The following CCL20 variants were observed in gnomAD, a reference collection of about 807,000 sequenced individuals.
The protein encoded by CCL20 is C-C motif chemokine ligand 20, also known as C-C motif chemokine 20.
A neutral mutation model predicts 10.8 loss-of-function variants in CCL20; 8 were observed. That is an observed-to-expected ratio of 0.74 (90% CI 0.44 to 1.34). The LOEUF is 1.34. CCL20 is among the 40% of genes most tolerant of loss of function. CCL20 has a pLI of 0.01. For missense variants in CCL20, 107 were observed against 117.9 expected (o/e 0.91, Z 0.43); for synonymous variants, 40 against 39.4 (o/e 1.02, Z -0.06).
rs771446659 is a variant in CCL20, at chr2:227,813,920, T to C, written c.9T>C (p.Cys3=). The change falls in exon 1 of 4, where the codon TGT becomes TGC. Residue 3 remains cysteine (C), a synonymous_variant. Coordinates refer to ENST00000358813, the MANE Select transcript of CCL20 (RefSeq NM_004591.3). ...TCTTTGAGCTAAAAACCATGTGCTGTACCAAGAGTTTGCTCCTGGCTGCTT... is the reference window on the plus strand; with the variant it reads ...TCTTTGAGCTAAAAACCATGTGCTGCACCAAGAGTTTGCTCCTGGCTGCTT... MC[C]TKSLLLAALM... 3.3e-5 allele frequency: 53 copies of C among 1,613,896 alleles called. No homozygotes were observed. The South Asian group carries it at 5.7e-4, about 17-fold the overall frequency.
Position 227,815,556 on chromosome 2 carries a change from T to G in CCL20, c.179T>G (p.Ile60Ser). The G allele has an allele frequency of 6.4e-7, 1 of 1,559,476 alleles. No individual in the cohort carries two copies. Among genetic ancestry groups the G allele is most frequent in the African/African-American group, 1.4e-5 (1 of 73,800 alleles). Reference sequence around the variant, plus strand: ...CAGCTGGCCAATGAAGGCTGTGACATCAATGCTATCATGTAAGTTATTAAT... The same window carrying G: ...CAGCTGGCCAATGAAGGCTGTGACAGCAATGCTATCATGTAAGTTATTAAT... Reference protein sequence around the residue: ...TRQLANEGCDINAIIFHTKKK... With the variant: ...TRQLANEGCDSNAIIFHTKKK... Residue 60 changes from isoleucine (I) to serine (S), a missense_variant, in exon 2 of 4, where the codon ATC becomes AGC. Ile to Ser is a moderately radical substitution (Grantham distance 142). Transcript: ENST00000358813.
chr2:227,816,846 A>T (rs891188750), intron 3 of CCL20, among the ~76,000 whole-genome samples: 8 of 152,224 alleles, frequency 5.3e-5, no homozygotes, highest in African/African-American at 1.9e-4. Context: ...GAGACACAAG[A>T]TAAGTGTCCA....
At position 227,815,755 on chromosome 2, in the gene CCL20, TCA is replaced by T. The variant is rs1200826291; in HGVS notation, c.191+189_191+190del. 32 of 511,166 alleles carry T rather than the reference TCA, an allele frequency of 6.3e-5. No homozygotes were observed. In the East Asian group the frequency reaches 1.0e-3, roughly 16 times the overall value. 31.7% of individuals were successfully genotyped at this position (511,166 alleles called of 1,614,324 possible). A position where few individuals can be genotyped will look rare whatever the true frequency, so the allele number is the denominator to read the frequency against. On this transcript the variant is annotated intron_variant, in intron 2 of 3. Coordinates refer to ENST00000358813, the MANE Select transcript of CCL20 (RefSeq NM_004591.3). ...TCTTAGTACATATCTACTTTAAAGT[TCA>T]CTTTAAACAGGACTGGAATAAGGCA... is the stretch of plus-strand genomic sequence containing the variant.
At position 227,813,897 on chromosome 2, in the gene CCL20, T is replaced by G; in HGVS notation, c.-15T>G. The G allele has an allele frequency of 1.9e-6, 3 of 1,610,700 alleles. No homozygotes were observed. Among genetic ancestry groups the G allele is most frequent in the Non-Finnish European group, 2.5e-6 (3 of 1,176,832 alleles). On this transcript the variant is annotated 5_prime_UTR_variant, in exon 1 of 4. Transcript: ENST00000358813. ...TACTCAACACTGAGCAGATCTGTTC[T>G]TTGAGCTAAAAACCATGTGCTGTAC...
intron 2 of CCL20, chr2:227,815,980 A>G: frequency 3.8e-6 from 1 of 266,302 alleles, no homozygotes; most frequent in East Asian, 8.1e-5. Flanking sequence ...TTCTTGATTT[A>G]TATAGGATAT....
chr2:227,817,189 CTAATT>C lies in CCL20; in HGVS notation c.*108_*112del, dbSNP rs1690035744. ...ACATCATGGAGGGTTTAGTGCTTAT[CTAATT>C]TGTGCCTCACTGGACTTGTCCAATT... On this transcript the variant is annotated 3_prime_UTR_variant, in exon 4 of 4. Coordinates refer to ENST00000358813, the MANE Select transcript of CCL20 (RefSeq NM_004591.3). The C allele has an allele frequency of 1.3e-6, 1 of 787,574 alleles. No individual in the cohort carries two copies. Among genetic ancestry groups the C allele is most frequent in the South Asian group, 1.8e-5 (1 of 56,174 alleles). 48.8% of individuals were successfully genotyped at this position (787,574 alleles called of 1,614,324 possible).
At chr2:227,815,330 G>T in intron 1 of CCL20, 124 bp from the exon 2 acceptor site, 1 of 575,544 alleles carries the variant, frequency 1.7e-6, no homozygotes, top group Non-Finnish European at 3.1e-6. Flanking sequence ...TCCTCTAAGT[G>T]GTTTATTCGT....
At chr2:227,814,799 C>T (rs1161770309) in intron 1 of CCL20, among the ~76,000 whole-genome samples, 1 of 151,708 alleles carries the variant, frequency 6.6e-6, no homozygotes, top group Non-Finnish European at 1.5e-5. Context: ...CTGTGTTGCC[C>T]AGGCTGGTCT....
In CCL20 at chr2:227,817,411, T is replaced by C. The variant is rs1336714290; in HGVS notation, c.*328T>C. On this transcript the variant is annotated 3_prime_UTR_variant, in exon 4 of 4. Transcript: ENST00000358813. ...GGGGGGAATAAGATTATATGGACTT[T>C]CTTGCAAGCAACAAGCTATTTTTTA... 4.3e-5 allele frequency: 8 copies of C among 185,322 alleles called. No individual in the cohort carries two copies. The allele number at this position is 185,322 out of a possible 1,614,324, so 11.5% of individuals were successfully genotyped here. A position where few individuals can be genotyped will look rare whatever the true frequency, so the allele number is the denominator to read the frequency against.
Position 227,817,190 on chromosome 2 carries a change from T to A in CCL20, c.*107T>A. 1 of 788,214 alleles carries A rather than the reference T, an allele frequency of 1.3e-6. No homozygotes were observed. 48.8% of individuals were successfully genotyped at this position (788,214 alleles called of 1,614,324 possible). On this transcript the variant is annotated 3_prime_UTR_variant, in exon 4 of 4. Transcript: ENST00000358813. Reference sequence around the variant, plus strand: ...CATCATGGAGGGTTTAGTGCTTATCTAATTTGTGCCTCACTGGACTTGTCC... The same window carrying A: ...CATCATGGAGGGTTTAGTGCTTATCAAATTTGTGCCTCACTGGACTTGTCC...
At chr2:227,814,496 T>C (rs1351398688) in intron 1 of CCL20, among the ~76,000 whole-genome samples, 3 of 147,642 alleles carry the variant, frequency 2.0e-5, no homozygotes, top group Non-Finnish European at 4.4e-5. Flanking sequence ...TGTTGTAATC[T>C]GACTCGGGAA....
At chr2:227,816,221 C>T in intron 2 of CCL20, 86 bp from the exon 3 acceptor site, 1 of 724,700 alleles carries the variant, frequency 1.4e-6, no homozygotes, top group Non-Finnish European at 2.4e-6. Context: ...GTGTAATCAA[C>T]TGGAATATAA....
At chr2:227,815,052 G>A (rs1690004342) in intron 1 of CCL20, among the ~76,000 whole-genome samples, 2 of 152,062 alleles carry the variant, frequency 1.3e-5, no homozygotes, top group African/African-American at 4.8e-5. Context: ...TTCATTTTCT[G>A]CTTTTGGAAG....
At chr2:227,816,274 A>G (rs2106160734) in intron 2 of CCL20, 33 bp from the exon 3 acceptor site, 1 of 1,370,822 alleles carries the variant, frequency 7.3e-7, no homozygotes, top group Non-Finnish European at 1.0e-6. Flanking sequence ...TGAAAAGCTC[A>G]TTAAACACAA....
At position 227,815,454 on chromosome 2, in the gene CCL20, C is replaced by A. The variant is rs1204599938; in HGVS notation, c.77C>A (p.Ala26Glu). The change falls in exon 2 of 4, where the codon GCA becomes GAA. Residue 26 changes from alanine (A) to glutamate (E), a missense_variant and splice_region_variant. Ala to Glu is a moderately radical substitution (Grantham distance 107). Transcript: ENST00000358813. ...LLLHLCGESE[A>E]ASNFDCCLGY... Reference sequence around the variant, plus strand: ...ACCTTTCACTTTTTTTTTTTTTTAGCAGCAAGCAACTTTGACTGCTGTCTT... The same window carrying A: ...ACCTTTCACTTTTTTTTTTTTTTAGAAGCAAGCAACTTTGACTGCTGTCTT... 5 of 1,488,354 alleles carry A rather than the reference C, an allele frequency of 3.4e-6. No individual in the cohort carries two copies. The highest frequency in any genetic ancestry group is 3.6e-6 in the Non-Finnish European group (4 of 1,098,142). 92.2% of individuals were successfully genotyped at this position (1,488,354 alleles called of 1,614,324 possible).
chr2:227,815,258 T>C (rs1690007031), intron 1 of CCL20, 196 bp from the exon 2 acceptor site: 1 of 403,942 alleles, frequency 2.5e-6, no homozygotes, highest in East Asian at 3.8e-5. Flanking sequence ...TTCAAAGAAC[T>C]GTAAACTATG....
intron 3 of CCL20, 106 bp from the exon 4 acceptor site, chr2:227,816,956 T>A (rs980287710): frequency 1.2e-6 from 1 of 802,564 alleles, no homozygotes; most frequent in Non-Finnish European, 2.2e-6. Flanking sequence ...CTTGACATAC[T>A]GAGTTGAGAT....
In CCL20 at chr2:227,815,339, G is replaced by A. The variant is rs541181167; in HGVS notation, c.77-115G>A. On this transcript the variant is annotated intron_variant, in intron 1 of 3. Transcript: ENST00000358813. ...AACTCCTCCTCTAAGTGGTTTATTC[G>A]TCATATACATGAGATTCACTAGATT... The A allele has an allele frequency of 4.1e-4, 247 of 603,598 alleles. 1 individual carries two copies. In the East Asian group the frequency reaches 6.2e-3, roughly 15 times the overall value. 37.4% of individuals were successfully genotyped at this position (603,598 alleles called of 1,614,324 possible). A position where few individuals can be genotyped will look rare whatever the true frequency, so the allele number is the denominator to read the frequency against.
intron 1 of CCL20, 53 bp downstream of exon 1, chr2:227,814,040 T>C: frequency 6.6e-7 from 1 of 1,519,322 alleles, no homozygotes; most frequent in Non-Finnish European, 9.1e-7. Context: ...TCATTTTCCT[T>C]TTAGCCTTGA....
Sources: allele counts gnomAD v4.1 joint callset (sites outside exome capture counted in the v4.1 genomes callset), GRCh38; gene constraint gnomAD v4.1.1; transcripts MANE v1.5; gene names NCBI Gene and HGNC (gene_info 2026-07-23, HGNC 2026-07-21).